UNC5D: variants seen among roughly 807,000 people sequenced by gnomAD.
UNC5D encodes unc-5 netrin receptor D, also known as netrin receptor UNC5D.
Under a neutral mutation model 105.4 loss-of-function variants are expected in UNC5D, and 39 were observed. The ratio of observed to expected loss-of-function variants is 0.37; its 90% confidence interval spans 0.29 to 0.48. The LOEUF (loss-of-function observed/expected upper bound fraction) is 0.48. UNC5D is among the 20% of genes least tolerant of loss of function. UNC5D has a pLI of 0.98. For missense variants in UNC5D, 991 were observed against 1,202.4 expected (o/e 0.82, Z 2.60); for synonymous variants, 452 against 450.4 (o/e 1.00, Z -0.04).
chr8:35,423,104 T>C (rs1479227508), intron 1 of UNC5D, among the ~76,000 whole-genome samples: 1 of 152,232 alleles, frequency 6.6e-6, no homozygotes, highest in Non-Finnish European at 1.5e-5. Context: ...GCAGCTGCAA[T>C]GCAACTTAAC....
At chr8:35,292,766 G>A (rs1339573330) in intron 1 of UNC5D, among the ~76,000 whole-genome samples, 1 of 145,508 alleles carries the variant, frequency 6.9e-6, no homozygotes, top group African/African-American at 2.6e-5. Context: ...GCCCAGGCTG[G>A]TGTGCAGTGG....
intron 1 of UNC5D, among the ~76,000 whole-genome samples, chr8:35,247,623 AAT>A (rs1204699282): frequency 2.3e-4 from 19 of 81,416 alleles, no homozygotes; most frequent in African/African-American, 8.5e-4. Flanking sequence ...TTATATATAA[AAT>A]ATATATAATA....
intron 16 of UNC5D, among the ~76,000 whole-genome samples, chr8:35,786,717 G>A (rs1326516816): frequency 1.3e-5 from 2 of 152,032 alleles, no homozygotes; most frequent in Admixed American, 1.3e-4. Flanking sequence ...AGCAACTTTG[G>A]CCATCTAGTT....
At chr8:35,719,672 A>G (rs1828469022) in intron 8 of UNC5D, among the ~76,000 whole-genome samples, 1 of 152,198 alleles carries the variant, frequency 6.6e-6, no homozygotes, top group South Asian at 2.1e-4. Context: ...GCTGCCCCTC[A>G]ATAAATGTTT....
chr8:35,292,674 G>A (rs1225182039), intron 1 of UNC5D, among the ~76,000 whole-genome samples: 3 of 146,154 alleles, frequency 2.1e-5, no homozygotes, highest in South Asian at 2.2e-4. Flanking sequence ...TACATATTTT[G>A]TATGTTATTT....
chr8:35,585,743 A>C (rs1422028848), intron 3 of UNC5D, among the ~76,000 whole-genome samples: 1 of 151,694 alleles, frequency 6.6e-6, no homozygotes, highest in Non-Finnish European at 1.5e-5. Context: ...TAGCAGTGAA[A>C]CTTGGTACAA....
At chr8:35,386,532 A>T (rs1451686876) in intron 1 of UNC5D, among the ~76,000 whole-genome samples, 2 of 152,204 alleles carry the variant, frequency 1.3e-5, no homozygotes, top group Non-Finnish European at 2.9e-5. Flanking sequence ...GGAGGGAAAA[A>T]AAACGTCTAG....
At chr8:35,514,030 T>C (rs1350770532) in intron 1 of UNC5D, among the ~76,000 whole-genome samples, 1 of 152,170 alleles carries the variant, frequency 6.6e-6, no homozygotes, top group Non-Finnish European at 1.5e-5. Flanking sequence ...AAGAAAACCA[T>C]TGGTGAAAAG....
rs1563514036 is a variant in UNC5D, at chr8:35,538,403, A to ATATATATG, written c.104-10882_104-10881insGTATATAT. 8.1e-5 allele frequency among the ~76,000 whole-genome samples: 3 copies of ATATATATG among 36,962 alleles called. 1 individual carries two copies. The highest frequency in any genetic ancestry group is 1.3e-4 in the Non-Finnish European group (3 of 23,312). 24.2% of individuals were successfully genotyped at this position (36,962 alleles called of 152,430 possible). On this transcript the variant is annotated intron_variant, in intron 1 of 16. Coordinates refer to ENST00000404895, the MANE Select transcript of UNC5D (RefSeq NM_080872.4). ...GATTTAAAAAAAAATAATTATATAT[A>ATATATATG]TATATATATATATATATATATATAT...
chr8:35,299,448 TG>T (rs1247167481), intron 1 of UNC5D, among the ~76,000 whole-genome samples: 1 of 152,194 alleles, frequency 6.6e-6, no homozygotes, highest in Admixed American at 6.5e-5. Context: ...TTCAGACTGC[TG>T]GGTCTATTCT....
chr8:35,273,566 T>G (rs1448736558), intron 1 of UNC5D, among the ~76,000 whole-genome samples: 1 of 152,226 alleles, frequency 6.6e-6, no homozygotes, highest in Non-Finnish European at 1.5e-5. Context: ...TTAAAGAGTT[T>G]TCTTTATGTT....
intron 2 of UNC5D, among the ~76,000 whole-genome samples, chr8:35,567,263 T>A (rs1455064303): frequency 6.6e-6 from 1 of 152,184 alleles, no homozygotes; most frequent in Non-Finnish European, 1.5e-5. Context: ...ACTGCTATGA[T>A]GTATCAATGA....
chr8:35,747,975 G>A (rs1830084320), intron 11 of UNC5D, among the ~76,000 whole-genome samples: 1 of 152,178 alleles, frequency 6.6e-6, no homozygotes, highest in Non-Finnish European at 1.5e-5. Context: ...TATAAGCTAT[G>A]TATTTGTTCA....
At chr8:35,672,264 T>C (rs1824861002) in intron 4 of UNC5D, among the ~76,000 whole-genome samples, 1 of 152,166 alleles carries the variant, frequency 6.6e-6, no homozygotes, top group African/African-American at 2.4e-5. Context: ...GAAAACATAA[T>C]TAATATTCTC....
chr8:35,323,580 G>A (rs1809918559), intron 1 of UNC5D, among the ~76,000 whole-genome samples: 1 of 152,120 alleles, frequency 6.6e-6, no homozygotes, highest in Non-Finnish European at 1.5e-5. Context: ...TAGAAATATT[G>A]CTACTCCTAA....
At position 35,604,801 on chromosome 8, in the gene UNC5D, C is replaced by G. The variant is rs113797372; in HGVS notation, c.570+9144C>G. ...TGATTCATTTCATTCATTTTGTCTTCCATCACTGATACCTTTTCTTCCAGT... is the reference window on the plus strand; with the variant it reads ...TGATTCATTTCATTCATTTTGTCTTGCATCACTGATACCTTTTCTTCCAGT... On this transcript the variant is annotated intron_variant, in intron 4 of 16. Transcript: ENST00000404895. Among the ~76,000 whole-genome samples the G allele has an allele frequency of 3.9e-5, 6 of 152,320 alleles. No individual in the cohort carries two copies. In the East Asian group the frequency reaches 9.6e-4, roughly 24 times the overall value.
chr8:35,414,161 C>A (rs1360283750), intron 1 of UNC5D, among the ~76,000 whole-genome samples: 1 of 151,964 alleles, frequency 6.6e-6, no homozygotes, highest in Non-Finnish European at 1.5e-5. Context: ...TATACTGGAG[C>A]CAAGATAGGA....
chr8:35,787,405 A>G (rs1802796032), intron 16 of UNC5D, among the ~76,000 whole-genome samples: 1 of 152,172 alleles, frequency 6.6e-6, no homozygotes, highest in Admixed American at 6.5e-5. Flanking sequence ...CATTCTCATG[A>G]TGGACATAAA....
At chr8:35,722,691 T>A (rs1374938060) in intron 9 of UNC5D, among the ~76,000 whole-genome samples, 2 of 152,198 alleles carry the variant, frequency 1.3e-5, no homozygotes, top group Non-Finnish European at 2.9e-5. Flanking sequence ...TCCTTCTTTT[T>A]AAAAAAGTCC....
Sources: allele counts gnomAD v4.1 joint callset (sites outside exome capture counted in the v4.1 genomes callset), GRCh38; gene constraint gnomAD v4.1.1; transcripts MANE v1.5; gene names NCBI Gene and HGNC (gene_info 2026-07-23, HGNC 2026-07-21).